The following PRKRIP1 variants were observed in gnomAD, a reference collection of about 807,000 sequenced individuals.
The protein encoded by PRKRIP1 is PRKR-interacting protein 1.
A neutral mutation model predicts 29.3 loss-of-function variants in PRKRIP1; 29 were observed. The ratio of observed to expected loss-of-function variants is 0.99; its 90% confidence interval spans 0.74 to 1.35. The LOEUF (loss-of-function observed/expected upper bound fraction) is 1.35. Ranked by LOEUF, PRKRIP1 falls within the 40% of genes most tolerant of loss-of-function variation. The probability of loss-of-function intolerance (pLI) is 0.00; values close to 1 mark genes in which losing one functional copy is unlikely to be tolerated. For synonymous variants in PRKRIP1, 90 were observed against 85.1 expected (o/e 1.06, Z -0.32); for missense variants, 247 against 236.8 (o/e 1.04, Z -0.28).
In PRKRIP1 at chr7:102,411,933, G is replaced by GTT. The variant is rs1554572576; in HGVS notation, c.457+4436_457+4437dup. On this transcript the variant is annotated intron_variant, in intron 5 of 5. Transcript: ENST00000397912. ...GATGTTGGGCATCTTTGTTGTTGTT[G>GTT]TTGTTTTGTTTGTTTGTTTGTTTGT... Among the ~76,000 whole-genome samples the GTT allele has an allele frequency of 5.8e-3, 419 of 72,790 alleles. 2 individuals are homozygous for GTT. The highest frequency in any genetic ancestry group is 0.017 in the African/African-American group (398 of 23,484). The allele number at this position is 72,790 out of a possible 152,430, so 47.8% of individuals were successfully genotyped here. A position where few individuals can be genotyped will look rare whatever the true frequency, so the allele number is the denominator to read the frequency against.
At chr7:102,414,822 G>A (rs1443658391) in intron 5 of PRKRIP1, among the ~76,000 whole-genome samples, 2 of 152,040 alleles carry the variant, frequency 1.3e-5, no homozygotes, top group Non-Finnish European at 2.9e-5. Flanking sequence ...GGAAGTGGAG[G>A]CTGCAGTGAG....
At chr7:102,422,589 G>C (rs1419853531) in intron 5 of PRKRIP1, among the ~76,000 whole-genome samples, 1 of 151,344 alleles carries the variant, frequency 6.6e-6, no homozygotes, top group African/African-American at 2.4e-5. Context: ...TGATTCACCG[G>C]CCTCGGCTGT....
chr7:102,406,241 G>T (rs2133176346), intron 4 of PRKRIP1, among the ~76,000 whole-genome samples: 1 of 152,282 alleles, frequency 6.6e-6, no homozygotes, highest in East Asian at 1.9e-4. Flanking sequence ...TAGTGGATCA[G>T]TCCAGCAGCT....
intron 5 of PRKRIP1, among the ~76,000 whole-genome samples, chr7:102,415,945 C>T (rs1796524415): frequency 6.6e-6 from 1 of 152,282 alleles, no homozygotes; most frequent in East Asian, 1.9e-4. Context: ...CTCTGTCCCT[C>T]AGCCTCGCTG....
intron 4 of PRKRIP1, among the ~76,000 whole-genome samples, chr7:102,405,337 A>G (rs1796185462): frequency 6.6e-6 from 1 of 152,236 alleles, no homozygotes; most frequent in Admixed American, 6.5e-5. Flanking sequence ...CTGTATGTTT[A>G]TATGTGTATC....
In PRKRIP1 at chr7:102,413,524, A is replaced by G. The variant is rs145444932; in HGVS notation, c.457+6026A>G. Among the ~76,000 whole-genome samples, 1,279 of 152,320 alleles carry G rather than the reference A, an allele frequency of 8.4e-3. 10 individuals are homozygous for G. The highest frequency in any genetic ancestry group is 0.013 in the Non-Finnish European group (873 of 68,020). On this transcript the variant is annotated intron_variant, in intron 5 of 5. Coordinates refer to ENST00000397912, the MANE Select transcript of PRKRIP1 (RefSeq NM_024653.4). ...TGCCTGTACTCCCAACACTTTGGGAAGCTGAGGCTGGAGGATCATTTGAGG... is the reference window on the plus strand; with the variant it reads ...TGCCTGTACTCCCAACACTTTGGGAGGCTGAGGCTGGAGGATCATTTGAGG...
chr7:102,425,840 C>G lies in PRKRIP1; in HGVS notation c.*729C>G, dbSNP rs1796817751. The G allele has an allele frequency of 6.5e-6, 1 of 154,096 alleles. No homozygotes were observed. The highest frequency in any genetic ancestry group is 1.5e-5 in the Non-Finnish European group (1 of 68,846). 9.5% of individuals were successfully genotyped at this position (154,096 alleles called of 1,614,324 possible). A position where few individuals can be genotyped will look rare whatever the true frequency, so the allele number is the denominator to read the frequency against. ...AGCTGGGCTGAGCCAGAGCAGAAGG[C>G]GAGGGATTCCCAGCCGGACGGGGGT... On this transcript the variant is annotated 3_prime_UTR_variant, in exon 6 of 6. Coordinates refer to ENST00000397912, the MANE Select transcript of PRKRIP1 (RefSeq NM_024653.4).
At chr7:102,419,845 T>TTGTGTGTGTGTGTG (rs56752508) in intron 5 of PRKRIP1, among the ~76,000 whole-genome samples, 7 of 142,716 alleles carry the variant, frequency 4.9e-5, no homozygotes, top group African/African-American at 1.6e-4. Context: ...TTTTGTGTTT[T>TTGTGTGTGTGTGTG]TGTGTGTGTG....
At position 102,425,401 on chromosome 7, in the gene PRKRIP1, T is replaced by C; in HGVS notation, c.*290T>C. 4.3e-6 allele frequency: 2 copies of C among 461,900 alleles called. No individual in the cohort carries two copies. Among genetic ancestry groups the C allele is most frequent in the Non-Finnish European group, 7.7e-6 (2 of 260,320 alleles). The allele number at this position is 461,900 out of a possible 1,614,324, so 28.6% of individuals were successfully genotyped here. Reference sequence around the variant, plus strand: ...ATTTGAACAGTGATGAGTTTGGGGCTGGTTTCTGGGAAGGGAACGTTTATT... The same window carrying C: ...ATTTGAACAGTGATGAGTTTGGGGCCGGTTTCTGGGAAGGGAACGTTTATT... On this transcript the variant is annotated 3_prime_UTR_variant, in exon 6 of 6. Coordinates refer to ENST00000397912, the MANE Select transcript of PRKRIP1 (RefSeq NM_024653.4).
At chr7:102,400,908 T>A (rs1554571107) in intron 3 of PRKRIP1, among the ~76,000 whole-genome samples, 1 of 152,070 alleles carries the variant, frequency 6.6e-6, no homozygotes, top group East Asian at 1.9e-4. Context: ...AGTGCTGGGA[T>A]TACAGGCGTG....
At chr7:102,417,149 C>A (rs1340836609) in intron 5 of PRKRIP1, among the ~76,000 whole-genome samples, 4 of 151,844 alleles carry the variant, frequency 2.6e-5, no homozygotes, top group Non-Finnish European at 4.4e-5. Context: ...GCCACCACAC[C>A]TGGCTAATTT....
intron 4 of PRKRIP1, chr7:102,405,603 T>C (rs1452064890): frequency 6.5e-6 from 1 of 153,660 alleles, no homozygotes; most frequent in Non-Finnish European, 1.5e-5. Context: ...TCTACAATAA[T>C]AATAAAAAAA....
chr7:102,409,035 G>A (rs782620588), intron 5 of PRKRIP1, among the ~76,000 whole-genome samples: 6 of 151,964 alleles, frequency 3.9e-5, no homozygotes, highest in African/African-American at 7.2e-5. Flanking sequence ...TTAGCTAGGC[G>A]TGATGGCAGG....
At position 102,396,473 on chromosome 7, in the gene PRKRIP1, T is replaced by C; in HGVS notation, c.62T>C (p.Leu21Pro). ...PPRPKKEPQT[L>P]VIPKNAAEEQ... ...AGGCCCAAGAAAGAGCCGCAGACGC[T>C]CGTCATCCCCAAGAATGCGGCGGAG... is the stretch of plus-strand genomic sequence containing the variant. The change falls in exon 1 of 6, where the codon CTC (leucine) becomes CCC (proline). Residue 21 changes from leucine (L) to proline (P), a missense_variant. This residue lies in a region of PRKRIP1 where 105 missense variants were observed against 80.2 expected (regional missense o/e 1.31). Transcript: ENST00000397912. 2 of 1,608,540 alleles carry C rather than the reference T, an allele frequency of 1.2e-6. No homozygotes were observed. The highest frequency in any genetic ancestry group is 1.1e-5 in the South Asian group (1 of 90,862).
intron 1 of PRKRIP1, 29 bp downstream of exon 1, chr7:102,396,566 G>T: frequency 2.5e-6 from 4 of 1,595,636 alleles, no homozygotes; most frequent in Non-Finnish European, 3.4e-6. Context: ...TCCACGGCCC[G>T]TCCGAGGCCC....
intron 5 of PRKRIP1, among the ~76,000 whole-genome samples, chr7:102,409,454 A>G (rs10266580): frequency 0.019 from 2,965 of 152,114 alleles, 87 homozygotes; most frequent in African/African-American, 0.067. Context: ...TTAAGGGGTT[A>G]TTGTAGCTTG....
chr7:102,413,281 T>C lies in PRKRIP1; in HGVS notation c.457+5783T>C, dbSNP rs546147467. On this transcript the variant is annotated intron_variant, in intron 5 of 5. Transcript: ENST00000397912. ...ATTGTTCCTGTCTGAGAGCTCCTGATCTAGGGGCAGGTATCCAGTGTCCAG... is the reference window on the plus strand; with the variant it reads ...ATTGTTCCTGTCTGAGAGCTCCTGACCTAGGGGCAGGTATCCAGTGTCCAG... Among the ~76,000 whole-genome samples, 13 of 152,280 alleles carry C rather than the reference T, an allele frequency of 8.5e-5. No individual in the cohort carries two copies. In the South Asian group the frequency reaches 2.7e-3, roughly 32 times the overall value.
rs782152293 is a variant in PRKRIP1 at position 102,425,069 on chromosome 7, AGAG to A, written c.525_527del (p.Glu176del). 1.3e-5 allele frequency: 21 copies of A among 1,612,088 alleles called. No individual in the cohort carries two copies. Among genetic ancestry groups the A allele is most frequent in the East Asian group, 2.2e-5 (1 of 44,796 alleles). ...GCAGCTCTGCGGAGGCATCTGGAAC[AGAG>A]GAGGAGGAGGAAGTGCCCAGTTTCA... On this transcript the variant is annotated inframe_deletion, in exon 6 of 6. Coordinates refer to ENST00000397912, the MANE Select transcript of PRKRIP1 (RefSeq NM_024653.4).
intron 2 of PRKRIP1, among the ~76,000 whole-genome samples, chr7:102,398,766 T>A (rs1554570810): frequency 6.6e-6 from 1 of 152,178 alleles, no homozygotes; most frequent in African/African-American, 2.4e-5. Context: ...AATTCTTTAG[T>A]TTCCCACTGC....
Sources: allele counts gnomAD v4.1 joint callset (sites outside exome capture counted in the v4.1 genomes callset), GRCh38; gene constraint gnomAD v4.1.1; regional missense constraint gnomAD v4.1.1; transcripts MANE v1.5; gene names NCBI Gene and HGNC (gene_info 2026-07-23, HGNC 2026-07-21).